SLC35D1: variants seen among roughly 807,000 people sequenced by gnomAD.
SLC35D1 encodes solute carrier family 35 member D1.
In SLC35D1, 31 loss-of-function variants were observed where a neutral mutation model predicts 46.7. The ratio of observed to expected loss-of-function variants is 0.66; its 90% CI spans 0.50 to 0.90. The LOEUF (loss-of-function observed/expected upper bound fraction) is 0.90. Ranked by LOEUF, SLC35D1 falls within the 40% of genes least tolerant of loss-of-function variation. The probability of loss-of-function intolerance (pLI) is 0.00; values close to 1 mark genes in which losing one functional copy is unlikely to be tolerated. For missense variants in SLC35D1, 397 were observed against 426.2 expected (o/e 0.93, Z 0.60); for synonymous variants, 195 against 164.6 (o/e 1.18, Z -1.41).
chr1:67,048,168 T>C (rs1645270792), intron 6 of SLC35D1, among the ~76,000 whole-genome samples: 1 of 152,212 alleles, frequency 6.6e-6, no homozygotes, highest in African/African-American at 2.4e-5. Flanking sequence ...ACTAACTTAA[T>C]GCACACTCCC....
At chr1:66,986,757 G>GTTTTTGTTTTACTTAAACTTTTACTTTA in the SLC35D1 span, 1 of 289,242 alleles carries the variant, frequency 3.5e-6, no homozygotes, top group Admixed American at 5.1e-5. Context: ...GTTTTTTGTT[G>GTTTTTGTTTTACTTAAACTTTTACTTTA]TTTTTGTTTT....
rs1329538430 is a variant in SLC35D1 at position 66,999,704 on chromosome 1, A to G, written c.*4636T>C. ...ACAAAGCTTTAAAAAAAAAAAAACTACAACACTGTAAACTATATCCTCATG... is the reference window on the plus strand; with the variant it reads ...ACAAAGCTTTAAAAAAAAAAAAACTGCAACACTGTAAACTATATCCTCATG... On this transcript the variant is annotated 3_prime_UTR_variant, in exon 12 of 12. Coordinates refer to ENST00000235345, the MANE Select transcript of SLC35D1 (RefSeq NM_015139.3). 1.3e-5 allele frequency: 2 copies of G among 152,108 alleles called. No individual in the cohort carries two copies. Among genetic ancestry groups the G allele is most frequent in the East Asian group, 3.8e-4 (2 of 5,196 alleles). The allele number at this position is 152,108 out of a possible 1,614,324, so 9.4% of individuals were successfully genotyped here.
At chr1:66,974,572 T>C in the SLC35D1 span, among the ~76,000 whole-genome samples, 15 of 152,190 alleles carry the variant, frequency 9.9e-5, no homozygotes, top group South Asian at 3.1e-3. Context: ...CTGACCAATA[T>C]GATTTTTTTA....
chr1:67,029,677 C>T (rs1667979868), intron 8 of SLC35D1, among the ~76,000 whole-genome samples: 1 of 152,090 alleles, frequency 6.6e-6, no homozygotes, highest in African/African-American at 2.4e-5. Context: ...TGTTTTAATC[C>T]CTGACCCCCT....
the SLC35D1 span, among the ~76,000 whole-genome samples, chr1:66,977,310 G>C: frequency 6.6e-6 from 1 of 151,936 alleles, no homozygotes; most frequent in African/African-American, 2.4e-5. Context: ...GGGTTTCACT[G>C]TGTTGACCAG....
Position 67,006,023 on chromosome 1 carries a change from C to A in SLC35D1, c.960-1575G>T, listed in dbSNP as rs12738583. ...TTACACTTTTTATTGTCTTTCCCCCCCTTTCTGTGGAAAATGGGGTCTCGC... is the reference window on the plus strand; with the variant it reads ...TTACACTTTTTATTGTCTTTCCCCCACTTTCTGTGGAAAATGGGGTCTCGC... On this transcript the variant is annotated intron_variant, in intron 11 of 11. Transcript: ENST00000235345. Among the ~76,000 whole-genome samples the A allele has an allele frequency of 9.1e-3, 1,383 of 152,218 alleles. 11 individuals are homozygous for A. The highest frequency in any genetic ancestry group is 0.013 in the Non-Finnish European group (912 of 68,002).
intron 6 of SLC35D1, among the ~76,000 whole-genome samples, chr1:67,048,572 G>A (rs1645274094): frequency 1.3e-5 from 2 of 152,086 alleles, no homozygotes. Context: ...AAACAGGACT[G>A]GACTGATAAT....
At chr1:67,045,108 TAGA>T in intron 7 of SLC35D1, among the ~76,000 whole-genome samples, 2 of 151,884 alleles carry the variant, frequency 1.3e-5, no homozygotes, top group South Asian at 4.1e-4. Context: ...ATCCAGGAAG[TAGA>T]GGATATGCAT....
chr1:66,988,256 CTCTCT>C, the SLC35D1 span: 6 of 152,334 alleles, frequency 3.9e-5, no homozygotes, highest in East Asian at 1.1e-3. Flanking sequence ...CTAAAAATGA[CTCTCT>C]TCTCTCAAAA....
At chr1:66,980,568 TC>T in the SLC35D1 span, among the ~76,000 whole-genome samples, 1 of 152,218 alleles carries the variant, frequency 6.6e-6, no homozygotes, top group Non-Finnish European at 1.5e-5. Context: ...TTCAGAAAAT[TC>T]CTCAGAGCTT....
chr1:67,047,477 A>G (rs1297826025), intron 6 of SLC35D1, 110 bp from the exon 7 acceptor site: 4 of 945,936 alleles, frequency 4.2e-6, no homozygotes, highest in Non-Finnish European at 6.5e-6. Context: ...AGGGAAGTGA[A>G]TATTAGGCAT....
chr1:67,028,058 T>C (rs1667948079), intron 8 of SLC35D1, among the ~76,000 whole-genome samples: 1 of 150,170 alleles, frequency 6.7e-6, no homozygotes, highest in Non-Finnish European at 1.5e-5. Context: ...ATTTTCATTG[T>C]TCAAAATATT....
the SLC35D1 span, among the ~76,000 whole-genome samples, chr1:66,978,602 G>C: frequency 2.0e-5 from 3 of 152,128 alleles, no homozygotes; most frequent in Non-Finnish European, 4.4e-5. Context: ...AAATAGTCAT[G>C]ATTTTCAAGG....
intron 8 of SLC35D1, chr1:67,032,172 A>G: frequency 1.3e-6 from 1 of 799,718 alleles, no homozygotes; most frequent in East Asian, 1.3e-4. Flanking sequence ...TAAAGTCTTT[A>G]GCGCTACAGG....
At chr1:66,991,793 G>GTT in the SLC35D1 span, among the ~76,000 whole-genome samples, 13 of 139,808 alleles carry the variant, frequency 9.3e-5, no homozygotes, top group African/African-American at 4.2e-4. Context: ...AATATTTACA[G>GTT]CTTTTTTTTT....
At chr1:67,037,319 GT>G (rs147340014) in intron 8 of SLC35D1, among the ~76,000 whole-genome samples, 7 of 151,950 alleles carry the variant, frequency 4.6e-5, no homozygotes, top group Admixed American at 3.3e-4. Context: ...AAAAATGTGG[GT>G]TTTTTTGTTG....
At chr1:66,998,280 G>C (rs113171779), downstream of SLC35D1, among the ~76,000 whole-genome samples, 11,579 of 152,146 alleles carry the variant, frequency 0.076, 560 homozygotes, top group African/African-American at 0.13. Context: ...CCTGAGGTCA[G>C]GAGTTCGAGA....
intron 10 of SLC35D1, among the ~76,000 whole-genome samples, chr1:67,015,266 GC>G (rs1667661204): frequency 6.7e-6 from 1 of 149,722 alleles, no homozygotes; most frequent in Admixed American, 6.6e-5. Flanking sequence ...AATTTAAGAG[GC>G]TATTTAAAAA....
chr1:66,984,797 G>A, the SLC35D1 span: 34 of 1,613,884 alleles, frequency 2.1e-5, no homozygotes, highest in South Asian at 1.1e-4. Flanking sequence ...GCCAAAAGGC[G>A]AAGGGTAAAC....
Sources: gnomAD v4.1 joint callset for allele counts (sites outside exome capture counted in the v4.1 genomes callset) on GRCh38, gnomAD v4.1.1 for gene constraint, MANE v1.5 for transcripts, NCBI Gene and HGNC (gene_info 2026-07-23, HGNC 2026-07-21) for gene names.